The following CYBRD1 variants were observed in gnomAD, a reference collection of about 807,000 sequenced individuals.
CYBRD1 encodes plasma membrane ascorbate-dependent reductase CYBRD1.
A neutral mutation model predicts 21.9 loss-of-function variants in CYBRD1; 14 were observed. That is an observed-to-expected ratio of 0.64 (90% CI 0.42 to 1.00). The LOEUF is 1.00. Among genes scored for constraint, CYBRD1 ranks in the 50% least tolerant of loss-of-function variants. CYBRD1 has a pLI of 0.00. For missense variants in CYBRD1, 328 were observed against 352.5 expected (o/e 0.93, Z 0.56); for synonymous variants, 146 against 136.5 (o/e 1.07, Z -0.48).
intron 2 of CYBRD1, among the ~76,000 whole-genome samples, chr2:171,551,310 A>T (rs1683368812): frequency 6.6e-6 from 1 of 152,176 alleles, no homozygotes; most frequent in Admixed American, 6.5e-5. Flanking sequence ...ATACTAATAG[A>T]ATCACTGAAG....
intron 1 of CYBRD1, among the ~76,000 whole-genome samples, chr2:171,537,405 A>T (rs1697560671): frequency 6.6e-6 from 1 of 152,172 alleles, no homozygotes; most frequent in Non-Finnish European, 1.5e-5. Context: ...TGAGGAGGGG[A>T]AACCACAGTG....
At chr2:171,533,104 C>T (rs1460161086) in intron 1 of CYBRD1, among the ~76,000 whole-genome samples, 3 of 151,898 alleles carry the variant, frequency 2.0e-5, no homozygotes, top group South Asian at 4.2e-4. Context: ...TGGTGGCTCA[C>T]GCCTGTAATC....
At chr2:171,529,365 C>G (rs1210376688) in intron 1 of CYBRD1, among the ~76,000 whole-genome samples, 1 of 151,908 alleles carries the variant, frequency 6.6e-6, no homozygotes, top group Non-Finnish European at 1.5e-5. Flanking sequence ...AACCCCATCT[C>G]TACTAAAAAT....
intron 1 of CYBRD1, among the ~76,000 whole-genome samples, chr2:171,532,785 A>C (rs1697487007): frequency 6.6e-6 from 1 of 151,742 alleles, no homozygotes; most frequent in Admixed American, 6.6e-5. Context: ...TGGGCGACAT[A>C]GTGAGACTCT....
intron 1 of CYBRD1, among the ~76,000 whole-genome samples, chr2:171,523,669 A>T (rs1697345033): frequency 6.6e-6 from 1 of 152,094 alleles, no homozygotes; most frequent in Non-Finnish European, 1.5e-5. Flanking sequence ...CTCTGGGCTG[A>T]GGCTGGCGCG....
intron 2 of CYBRD1, among the ~76,000 whole-genome samples, chr2:171,547,934 G>A (rs1460910814): frequency 6.6e-6 from 1 of 151,990 alleles, no homozygotes; most frequent in Admixed American, 6.6e-5. Context: ...AGCAGACCAG[G>A]GGTAGTCATG....
intron 1 of CYBRD1, among the ~76,000 whole-genome samples, chr2:171,532,483 A>G (rs1203842510): frequency 2.6e-5 from 4 of 152,070 alleles, no homozygotes; most frequent in Non-Finnish European, 4.4e-5. Flanking sequence ...CAGCAGTACA[A>G]TTTTTCTTGA....
intron 2 of CYBRD1, among the ~76,000 whole-genome samples, chr2:171,542,670 G>A (rs2105340185): frequency 6.6e-6 from 1 of 152,312 alleles, no homozygotes; most frequent in Admixed American, 6.5e-5. Flanking sequence ...CTTAAGCCCA[G>A]ACGTTTGAGA....
At chr2:171,538,616 T>G (rs1020017856) in intron 1 of CYBRD1, among the ~76,000 whole-genome samples, 21 of 152,112 alleles carry the variant, frequency 1.4e-4, no homozygotes, top group African/African-American at 5.1e-4. Context: ...AGAAATATTG[T>G]CCTAATGGTG....
intron 1 of CYBRD1, among the ~76,000 whole-genome samples, chr2:171,527,437 T>C (rs1033675462): frequency 2.0e-5 from 3 of 152,230 alleles, no homozygotes; most frequent in African/African-American, 4.8e-5. Context: ...ATCATTGAAT[T>C]GTTAGTAACA....
At chr2:171,548,649 A>G (rs2105344840) in intron 2 of CYBRD1, among the ~76,000 whole-genome samples, 1 of 148,990 alleles carries the variant, frequency 6.7e-6, no homozygotes, top group Admixed American at 6.6e-5. Flanking sequence ...GTACCCTAAA[A>G]AAAAAAAAAA....
chr2:171,522,891 C>T lies in CYBRD1; in HGVS notation c.193+153C>T, dbSNP rs1697329602. On this transcript the variant is annotated intron_variant, in intron 1 of 3. Transcript: ENST00000321348. This position sits in a 1 kb window ranked among gnomAD's most constrained non-coding sequence, Gnocchi z 4.3. ...AGGAGCGCGCGGGAAGCCAAGTCGGCTGGGCGGGAGGGAGGCTGGCTGGCT... is the reference window on the plus strand; with the variant it reads ...AGGAGCGCGCGGGAAGCCAAGTCGGTTGGGCGGGAGGGAGGCTGGCTGGCT... Among the ~76,000 whole-genome samples the T allele has an allele frequency of 6.6e-6, 1 of 151,890 alleles. No individual in the cohort carries two copies. Among genetic ancestry groups the T allele is most frequent in the South Asian group, 2.1e-4 (1 of 4,812 alleles).
chr2:171,541,392 C>G (rs1697628700), intron 1 of CYBRD1, among the ~76,000 whole-genome samples, 193 bp from the exon 2 acceptor site: 1 of 151,972 alleles, frequency 6.6e-6, no homozygotes, highest in Non-Finnish European at 1.5e-5. Context: ...GAAGAAAATG[C>G]CAGCAAAGGA....
chr2:171,550,899 T>A (rs1697787704), intron 2 of CYBRD1: 1 of 160,130 alleles, frequency 6.2e-6, no homozygotes, highest in South Asian at 2.0e-4. Flanking sequence ...AGAAAAGATA[T>A]GATGATTTAT....
At chr2:171,522,341 G>A (rs773467463), upstream of CYBRD1, 2 of 1,516,750 alleles carry the variant, frequency 1.3e-6, no homozygotes, top group African/African-American at 1.4e-5. This position sits in a 1 kb window ranked among gnomAD's most constrained non-coding sequence, Gnocchi z 4.3. Context: ...GATCCCGGGG[G>A]TGGGGCCCAT....
At chr2:171,548,662 A>AAAAAAAC in intron 2 of CYBRD1, among the ~76,000 whole-genome samples, 1 of 151,060 alleles carries the variant, frequency 6.6e-6, no homozygotes, top group African/African-American at 2.4e-5. Flanking sequence ...AAAAAAAAAA[A>AAAAAAAC]AAAAGCAAAC....
At chr2:171,525,227 A>G (rs1697367621) in intron 1 of CYBRD1, among the ~76,000 whole-genome samples, 1 of 152,198 alleles carries the variant, frequency 6.6e-6, no homozygotes, top group Non-Finnish European at 1.5e-5. Context: ...CGTGAGCCAC[A>G]GTACCCGGCC....
rs1683508221 is a variant in CYBRD1, at chr2:171,557,396, T to A, written c.*2569T>A. 6.6e-6 allele frequency: 1 copy of A among 152,220 alleles called. No homozygotes were observed. The highest frequency in any genetic ancestry group is 1.5e-5 in the Non-Finnish European group (1 of 68,030). The allele number at this position is 152,220 out of a possible 1,614,324, so 9.4% of individuals were successfully genotyped here. On this transcript the variant is annotated 3_prime_UTR_variant, in exon 4 of 4. Transcript: ENST00000321348. ...AGATAATCTGGCTTGGTTTACCCCATAATCTAATTTCAGAAAAGAAAGCTT... is the reference window on the plus strand; with the variant it reads ...AGATAATCTGGCTTGGTTTACCCCAAAATCTAATTTCAGAAAAGAAAGCTT...
At chr2:171,542,052 T>C (rs752858913) in intron 2 of CYBRD1, among the ~76,000 whole-genome samples, 25 of 151,644 alleles carry the variant, frequency 1.6e-4, no homozygotes, top group Non-Finnish European at 3.2e-4. Flanking sequence ...TTAGTAGAGA[T>C]GGGGTTTCAC....
Sources: gnomAD v4.1 joint callset for allele counts (sites outside exome capture counted in the v4.1 genomes callset) on GRCh38, gnomAD v4.1.1 for gene constraint, Gnocchi (gnomAD v3.1) non-coding constraint, MANE v1.5 for transcripts, NCBI Gene and HGNC (gene_info 2026-07-23, HGNC 2026-07-21) for gene names.